Variants in PARD6G observed in about 807,000 individuals in gnomAD.
PARD6G encodes par-6 family cell polarity regulator gamma, also known as partitioning defective 6 homolog gamma.
A neutral mutation model predicts 10.7 loss-of-function variants in PARD6G; 7 were observed. That is an observed-to-expected ratio of 0.66 (90% confidence interval 0.37 to 1.23). The LOEUF is 1.23. Ranked by LOEUF, PARD6G falls within the 50% of genes most tolerant of loss-of-function variation. The pLI, the probability that PARD6G is intolerant of heterozygous loss-of-function variation, is 0.02. For missense variants in PARD6G, 548 were observed against 571.8 expected, an observed-to-expected ratio of 0.96 and a Z score of 0.42; for synonymous variants, 287 against 269.4, an observed-to-expected ratio of 1.07 and a Z score of -0.64.
chr18:80,186,908 C>G (rs560800837), intron 2 of PARD6G, among the ~76,000 whole-genome samples: 69 of 152,238 alleles, frequency 4.5e-4, no homozygotes, highest in Non-Finnish European at 7.5e-4. Flanking sequence ...ACCATCCTGG[C>G]TAACAGGGTG....
intron 2 of PARD6G, among the ~76,000 whole-genome samples, chr18:80,166,928 G>A (rs572916465): frequency 1.5e-4 from 23 of 152,148 alleles, no homozygotes; most frequent in African/African-American, 4.6e-4. Context: ...GATCTCAGTC[G>A]TGCTGGCCAG....
chr18:80,241,653 G>A (rs531199800), intron 1 of PARD6G, among the ~76,000 whole-genome samples: 3 of 152,270 alleles, frequency 2.0e-5, no homozygotes, highest in Admixed American at 6.5e-5. Context: ...TGGGGGACTC[G>A]GGGCAGGGCC....
chr18:80,232,680 T>C (rs1967373786), intron 1 of PARD6G, among the ~76,000 whole-genome samples: 1 of 151,886 alleles, frequency 6.6e-6, no homozygotes, highest in Admixed American at 6.6e-5. Context: ...AAGATGAGAT[T>C]TGGGTGAGGA....
intron 1 of PARD6G, among the ~76,000 whole-genome samples, chr18:80,216,242 G>A (rs1967164764): frequency 6.6e-6 from 1 of 152,006 alleles, no homozygotes. Context: ...ACAAAAAATA[G>A]AAGACTTAAA....
rs754511333 is a variant in PARD6G at position 80,160,086 on chromosome 18, G to A, written c.816C>T (p.Gly272=). Residue 272 remains glycine (G), a synonymous_variant, in exon 3 of 3, where the codon GGC becomes GGT. Transcript: ENST00000353265. ...CGGGGGGACCCACGAAGCCCGCGGTGCCGTCCGAGGGCGGTCCCGAGCTGC... is the reference window on the plus strand; with the variant it reads ...CGGGGGGACCCACGAAGCCCGCGGTACCGTCCGAGGGCGGTCCCGAGCTGC... The part of the protein sequence containing the change: ...ALGSSGPPSD[G]TAGFVGPPAP... 1 of 1,592,564 alleles carries A rather than the reference G, an allele frequency of 6.3e-7. No homozygotes were observed. The highest frequency in any genetic ancestry group is 1.1e-5 in the South Asian group (1 of 88,280).
At chr18:80,225,344 G>A (rs1269150569) in intron 1 of PARD6G, among the ~76,000 whole-genome samples, 4 of 152,172 alleles carry the variant, frequency 2.6e-5, no homozygotes, top group Admixed American at 6.5e-5. Context: ...GGAAGCTCCT[G>A]GCCATTTCCA....
chr18:80,193,151 G>C (rs1054655306), intron 2 of PARD6G, among the ~76,000 whole-genome samples: 1 of 152,044 alleles, frequency 6.6e-6, no homozygotes, highest in East Asian at 1.9e-4. Context: ...ATCACAGAAG[G>C]CTCGCTCCTG....
chr18:80,177,540 GCACA>G (rs377696506), intron 2 of PARD6G, among the ~76,000 whole-genome samples: 6 of 129,504 alleles, frequency 4.6e-5, no homozygotes, highest in African/African-American at 1.2e-4. Flanking sequence ...ATGCACGCGG[GCACA>G]CACACACAGG....
At chr18:80,203,856 G>A (rs555339431) in intron 1 of PARD6G, among the ~76,000 whole-genome samples, 2 of 152,314 alleles carry the variant, frequency 1.3e-5, no homozygotes, top group Non-Finnish European at 2.9e-5. Context: ...GAAATTGCAA[G>A]AATAAAGGAA....
rs923293967 is a variant in PARD6G at position 80,238,525 on chromosome 18, T to TA, written c.72+8751dup. Among the ~76,000 whole-genome samples the TA allele has an allele frequency of 7.5e-5, 11 of 147,498 alleles. No homozygotes were observed. In the East Asian group the frequency reaches 1.2e-3, roughly 16 times the overall value. On this transcript the variant is annotated intron_variant, in intron 1 of 2. Transcript: ENST00000353265. Reference sequence around the variant, plus strand: ...AAACAACTATTTTTTTAACCAAAAGTAAAAAAAATAAAAATAAAAACAAAA... The same window carrying TA: ...AAACAACTATTTTTTTAACCAAAAGTAAAAAAAAATAAAAATAAAAACAAAA...
In PARD6G at chr18:80,177,027, A is replaced by G. The variant is rs543985462; in HGVS notation, c.296-16421T>C. 1.4e-3 allele frequency among the ~76,000 whole-genome samples: 204 copies of G among 144,586 alleles called. 3 individuals carry two copies. The highest frequency in any genetic ancestry group is 5.0e-3 in the African/African-American group (186 of 37,506). 94.9% of individuals were successfully genotyped at this position (144,586 alleles called of 152,430 possible). ...GAGAAGCACGTGCGCGCGCGCGTGCACACACACACACACACACACACCACA... is the reference window on the plus strand; with the variant it reads ...GAGAAGCACGTGCGCGCGCGCGTGCGCACACACACACACACACACACCACA... On this transcript the variant is annotated intron_variant, in intron 2 of 2. Coordinates refer to ENST00000353265, the MANE Select transcript of PARD6G (RefSeq NM_032510.4).
intron 1 of PARD6G, among the ~76,000 whole-genome samples, chr18:80,233,777 A>G (rs558026002): frequency 6.6e-6 from 1 of 152,314 alleles, no homozygotes; most frequent in African/African-American, 2.4e-5. Context: ...CGTACTGTCC[A>G]TCCTGTCTCA....
chr18:80,178,766 G>A (rs966925895), intron 2 of PARD6G, among the ~76,000 whole-genome samples: 2 of 152,154 alleles, frequency 1.3e-5, no homozygotes, highest in East Asian at 1.9e-4. Flanking sequence ...AGACGTCCAC[G>A]AATCTGGGCA....
rs1401115507 is a variant in PARD6G at position 80,157,415 on chromosome 18, C to G, written c.*2356G>C. The G allele has an allele frequency of 6.6e-6, 1 of 151,964 alleles. No homozygotes were observed. The highest frequency in any genetic ancestry group is 1.5e-5 in the Non-Finnish European group (1 of 68,014). The allele number at this position is 151,964 out of a possible 1,614,324, so 9.4% of individuals were successfully genotyped here. A position where few individuals can be genotyped will look rare whatever the true frequency, so the allele number is the denominator to read the frequency against. On this transcript the variant is annotated 3_prime_UTR_variant, in exon 3 of 3. Transcript: ENST00000353265. ...GTAATTCCTAAAATTATGAATAGCA[C>G]ACAAATCTCAGTGAAAGCCTCATTT...
rs1380845880 is a variant in PARD6G at position 80,188,335 on chromosome 18, T to G, written c.295+14375A>C. ...CAAAGACTGAACCTACATGGGTGTC[T>G]TGGGGAACAGAGACTTGGATTCCAG... On this transcript the variant is annotated intron_variant, in intron 2 of 2. Coordinates refer to ENST00000353265, the MANE Select transcript of PARD6G (RefSeq NM_032510.4). The surrounding 1 kb of genome is among the most constrained non-coding windows in gnomAD (Gnocchi z 5.4). Among the ~76,000 whole-genome samples the G allele has an allele frequency of 6.6e-6, 1 of 152,184 alleles. No homozygotes were observed. Among genetic ancestry groups the G allele is most frequent in the Non-Finnish European group, 1.5e-5 (1 of 68,018 alleles).
At chr18:80,240,686 G>A (rs945009205) in intron 1 of PARD6G, among the ~76,000 whole-genome samples, 16 of 152,290 alleles carry the variant, frequency 1.1e-4, no homozygotes, top group Non-Finnish European at 1.5e-4. Context: ...CACTGTTGCC[G>A]ATGCAGAGAC....
intron 2 of PARD6G, chr18:80,177,969 G>GCATACA: frequency 1.9e-5 from 1 of 51,628 alleles, no homozygotes. Flanking sequence ...GGAAGCGTGT[G>GCATACA]CATACACACA....
At chr18:80,245,713 C>T (rs1488212076) in intron 1 of PARD6G, among the ~76,000 whole-genome samples, 4 of 152,132 alleles carry the variant, frequency 2.6e-5, no homozygotes, top group African/African-American at 9.7e-5. Flanking sequence ...GATAGTGCAG[C>T]TCCAGAGAGC....
chr18:80,177,077 A>C (rs956310728), intron 2 of PARD6G, among the ~76,000 whole-genome samples: 1 of 149,224 alleles, frequency 6.7e-6, no homozygotes, highest in Non-Finnish European at 1.5e-5. Context: ...CCAAATGGAA[A>C]GCGCGCACAC....
Sources: gnomAD v4.1 joint callset for allele counts (sites outside exome capture counted in the v4.1 genomes callset) on GRCh38, gnomAD v4.1.1 for gene constraint, Gnocchi (gnomAD v3.1) non-coding constraint, MANE v1.5 for transcripts, NCBI Gene and HGNC (gene_info 2026-07-23, HGNC 2026-07-21) for gene names.